Variants in ETFA observed in about 807,000 individuals in gnomAD.
ETFA encodes the protein electron transfer flavoprotein subunit alpha, also known as electron transfer flavoprotein subunit alpha, mitochondrial.
ETFA carries 22 observed loss-of-function variants against 46.2 expected under a neutral mutation model. That is an observed-to-expected ratio of 0.48 (90% CI 0.34 to 0.68). The LOEUF (loss-of-function observed/expected upper bound fraction) is 0.68, where lower values mean the gene tolerates loss of function less well. ETFA is among the 30% of genes least tolerant of loss of function. The pLI, the probability that ETFA is intolerant of heterozygous loss-of-function variation, is 0.01. For missense variants in ETFA, 345 were observed against 401.1 expected (o/e 0.86, Z 1.19); for synonymous variants, 131 against 139.9 (o/e 0.94, Z 0.45).
intron 9 of ETFA, among the ~76,000 whole-genome samples, chr15:76,264,451 T>C (rs2039450244): frequency 6.6e-6 from 1 of 152,222 alleles, no homozygotes; most frequent in Non-Finnish European, 1.5e-5. Flanking sequence ...CTCTGTGTGC[T>C]TATGGGCATG....
At position 76,215,898 on chromosome 15, in the gene ETFA, A is replaced by G. The variant is rs576180148; in HGVS notation, c.*661T>C. On this transcript the variant is annotated 3_prime_UTR_variant, in exon 12 of 12. Transcript: ENST00000557943. ...CCTCCACTCTCCCTCCTTTACAGACAAAAGTCCTATAAACTGACAAAACCT... is the reference window on the plus strand; with the variant it reads ...CCTCCACTCTCCCTCCTTTACAGACGAAAGTCCTATAAACTGACAAAACCT... The G allele has an allele frequency of 5.2e-5, 8 of 152,422 alleles. No homozygotes were observed. Among genetic ancestry groups the G allele is most frequent in the Admixed American group, 1.3e-4 (2 of 15,304 alleles). 9.4% of individuals were successfully genotyped at this position (152,422 alleles called of 1,614,324 possible).
At chr15:76,260,937 G>C in intron 9 of ETFA, 2 of 1,611,498 alleles carry the variant, frequency 1.2e-6, no homozygotes, top group Non-Finnish European at 1.7e-6. Context: ...AACTGTACAG[G>C]ACTGCAGCAG....
intron 9 of ETFA, among the ~76,000 whole-genome samples, chr15:76,266,794 C>G (rs2039474324): frequency 6.6e-6 from 1 of 151,964 alleles, no homozygotes; most frequent in Non-Finnish European, 1.5e-5. Flanking sequence ...GTCCCAGCTA[C>G]TCAGGAGGCT....
At chr15:76,303,363 C>G (rs1228440321) in intron 1 of ETFA, among the ~76,000 whole-genome samples, 1 of 151,966 alleles carries the variant, frequency 6.6e-6, no homozygotes, top group Non-Finnish European at 1.5e-5. Context: ...TATAAAAACC[C>G]AAGAAGAAAA....
chr15:76,252,554 T>C (rs2039308587), intron 9 of ETFA, among the ~76,000 whole-genome samples: 1 of 152,338 alleles, frequency 6.6e-6, no homozygotes, highest in African/African-American at 2.4e-5. Flanking sequence ...GCAGAGGATC[T>C]GCCTAAGACT....
rs777059523 is a variant in ETFA, at chr15:76,225,952, T to A, written c.883-23A>T. 6 of 1,471,614 alleles carry A rather than the reference T, an allele frequency of 4.1e-6. No homozygotes were observed. The South Asian group carries it at 5.7e-5, about 14-fold the overall frequency. 91.2% of individuals were successfully genotyped at this position (1,471,614 alleles called of 1,614,324 possible). A position where few individuals can be genotyped will look rare whatever the true frequency, so the allele number is the denominator to read the frequency against. ...TGTCTGTGAAATAAAAACAAAGAGT[T>A]TGACTTTTACCAAGAAAACATTTCA... On this transcript the variant is annotated intron_variant, in intron 10 of 11. Transcript: ENST00000557943.
intron 1 of ETFA, among the ~76,000 whole-genome samples, chr15:76,306,458 G>A (rs887431916): frequency 6.6e-6 from 1 of 151,572 alleles, no homozygotes; most frequent in Non-Finnish European, 1.5e-5. Context: ...GTAGAGACGG[G>A]TTTCACCATG....
chr15:76,260,958 T>A, intron 9 of ETFA: 1 of 1,611,036 alleles, frequency 6.2e-7, no homozygotes, highest in Non-Finnish European at 8.5e-7. Flanking sequence ...GGCTCGGCCA[T>A]CAGCACCTGG....
intron 4 of ETFA, among the ~76,000 whole-genome samples, chr15:76,290,833 A>C (rs1203413049): frequency 6.6e-6 from 1 of 152,210 alleles, no homozygotes; most frequent in African/African-American, 2.4e-5. Context: ...AGAAAGCAGG[A>C]CTTTGACACC....
chr15:76,261,281 C>T, intron 9 of ETFA: 1 of 1,570,824 alleles, frequency 6.4e-7, no homozygotes, highest in Non-Finnish European at 8.7e-7. Context: ...TTTGGCTCCA[C>T]TGTGAAAAGT....
intron 9 of ETFA, chr15:76,261,537 T>C (rs1261153060): frequency 1.4e-5 from 9 of 639,246 alleles, no homozygotes; most frequent in African/African-American, 7.3e-5. Flanking sequence ...CCTGGGACAC[T>C]GTCAGCTTTG....
chr15:76,234,837 C>A (rs190445474), intron 9 of ETFA, among the ~76,000 whole-genome samples: 200 of 152,302 alleles, frequency 1.3e-3, no homozygotes, highest in African/African-American at 4.4e-3. Context: ...CAAACAAGTA[C>A]TGGCAGAAAA....
At chr15:76,288,328 G>T (rs571368928) in intron 4 of ETFA, among the ~76,000 whole-genome samples, 3 of 152,086 alleles carry the variant, frequency 2.0e-5, no homozygotes, top group Non-Finnish European at 4.4e-5. Context: ...TACTGAAAAA[G>T]ATTATGCTTG....
Position 76,251,581 on chromosome 15 carries a change from G to A in ETFA, c.817-20183C>T, listed in dbSNP as rs149317879. 5.5e-4 allele frequency among the ~76,000 whole-genome samples: 84 copies of A among 152,292 alleles called. 1 individual carries two copies. The East Asian group carries it at 0.014, about 25-fold the overall frequency. On this transcript the variant is annotated intron_variant, in intron 9 of 11. Coordinates refer to ENST00000557943, the MANE Select transcript of ETFA (RefSeq NM_000126.4). ...TTCTCTGGACAGTAGTTCTGATAAT[G>A]TGCTCAGGGCGCTAGTCATTCCGCA...
chr15:76,271,755 G>A lies in ETFA; in HGVS notation c.816+2657C>T, dbSNP rs551938158. On this transcript the variant is annotated intron_variant, in intron 9 of 11. Coordinates refer to ENST00000557943, the MANE Select transcript of ETFA (RefSeq NM_000126.4). ...ATGATCACAGCAACTTACTCAAATG[G>A]CCCATAAAAATATAGGTTTTTTGTT... Among the ~76,000 whole-genome samples the A allele has an allele frequency of 3.1e-4, 47 of 152,196 alleles. No individual in the cohort carries two copies. The South Asian group carries it at 5.0e-3, about 16-fold the overall frequency.
chr15:76,235,268 G>C (rs536139464), intron 9 of ETFA, among the ~76,000 whole-genome samples: 11 of 152,254 alleles, frequency 7.2e-5, no homozygotes, highest in African/African-American at 2.4e-4. Context: ...CAGCCCACTA[G>C]GTGGCCAGGT....
chr15:76,309,226 G>A (rs1020541962), intron 1 of ETFA, among the ~76,000 whole-genome samples: 2 of 152,208 alleles, frequency 1.3e-5, no homozygotes, highest in African/African-American at 4.8e-5. Context: ...AAGGCGGGCG[G>A]ATCATGAGGT....
At chr15:76,273,583 A>AAAAC (rs1567211617) in intron 9 of ETFA, among the ~76,000 whole-genome samples, 1 of 151,774 alleles carries the variant, frequency 6.6e-6, no homozygotes, top group African/African-American at 2.4e-5. Context: ...AAAACAAAAC[A>AAAAC]AAAAAAACTT....
chr15:76,235,622 A>C (rs934517817), intron 9 of ETFA, among the ~76,000 whole-genome samples: 1 of 152,186 alleles, frequency 6.6e-6, no homozygotes, highest in Admixed American at 6.5e-5. Context: ...AAGATGACTA[A>C]TTCTCTGTGC....
Sources: gnomAD v4.1 joint callset for allele counts (sites outside exome capture counted in the v4.1 genomes callset) on GRCh38, gnomAD v4.1.1 for gene constraint, MANE v1.5 for transcripts, NCBI Gene and HGNC (gene_info 2026-07-23, HGNC 2026-07-21) for gene names.